CDH4: variants seen among roughly 807,000 people sequenced by gnomAD.
CDH4 encodes cadherin-4.
CDH4 carries 33 observed loss-of-function variants against 86.0 expected under a neutral mutation model. The observed-to-expected ratio is 0.38, with a 90% confidence interval of 0.29 to 0.51. The LOEUF is 0.51. Ranked by LOEUF, CDH4 falls within the 20% of genes least tolerant of loss-of-function variation. The pLI is 0.86. For missense variants in CDH4, 1,114 were observed against 1,307.4 expected, an observed-to-expected ratio of 0.85 and a Z score of 2.28; for synonymous variants, 555 against 549.4, an observed-to-expected ratio of 1.01 and a Z score of -0.14.
intron 2 of CDH4, among the ~76,000 whole-genome samples, chr20:61,495,165 G>A (rs951060022): frequency 5.3e-5 from 8 of 152,364 alleles, no homozygotes; most frequent in Admixed American, 1.3e-4. Flanking sequence ...ACCAGAAGGC[G>A]GCGGTGGCCT....
At chr20:61,296,482 GA>G (rs941420324) in intron 2 of CDH4, among the ~76,000 whole-genome samples, 7 of 151,500 alleles carry the variant, frequency 4.6e-5, no homozygotes, top group Non-Finnish European at 1.0e-4. Context: ...ATGATTCATA[GA>G]AAAAAAATGC....
At chr20:61,825,450 G>C (rs1568836253) in intron 4 of CDH4, among the ~76,000 whole-genome samples, 1 of 152,094 alleles carries the variant, frequency 6.6e-6, no homozygotes. Context: ...GATAGACCTA[G>C]TCTCTAGCTC....
At chr20:61,772,876 T>G in intron 3 of CDH4, 127 bp from the exon 4 acceptor site, 1 of 712,282 alleles carries the variant, frequency 1.4e-6, no homozygotes, top group East Asian at 3.1e-5. Context: ...GCTTAGCTCC[T>G]TGTCCCAGCG....
intron 2 of CDH4, chr20:61,738,771 C>T (rs769026697): frequency 5.9e-5 from 9 of 151,884 alleles, no homozygotes; most frequent in Non-Finnish European, 1.5e-5. Context: ...TGACAGATCC[C>T]TGAAGTCGGG....
At chr20:61,353,768 T>C (rs751584220) in intron 2 of CDH4, among the ~76,000 whole-genome samples, 15 of 44,540 alleles carry the variant, frequency 3.4e-4, no homozygotes, top group South Asian at 2.6e-3. Flanking sequence ...TTCACCCCAG[T>C]TCACCTTCCA....
chr20:61,642,029 G>A (rs2087015515), intron 2 of CDH4, among the ~76,000 whole-genome samples: 5 of 127,330 alleles, frequency 3.9e-5, no homozygotes, highest in African/African-American at 1.6e-4. Flanking sequence ...AGGCACCACA[G>A]CACCCAGGAC....
Position 61,708,106 on chromosome 20 carries a change from G to A in CDH4, c.170-35457G>A, listed in dbSNP as rs1381176144. ...TCTGCTGGGGGTCCCGGGCTGTGGC[G>A]CGTCTCCCTGGGCATAGCCATCACC... On this transcript the variant is annotated intron_variant, in intron 2 of 15. Coordinates refer to ENST00000614565, the MANE Select transcript of CDH4 (RefSeq NM_001794.5). This position sits in a 1 kb window ranked among gnomAD's most constrained non-coding sequence, Gnocchi z 4.5. Among the ~76,000 whole-genome samples the A allele has an allele frequency of 3.9e-5, 6 of 152,066 alleles. No individual in the cohort carries two copies. Among genetic ancestry groups the A allele is most frequent in the African/African-American group, 9.7e-5 (4 of 41,386 alleles).
chr20:61,894,681 C>T (rs953811605), intron 7 of CDH4, among the ~76,000 whole-genome samples: 2 of 152,166 alleles, frequency 1.3e-5, no homozygotes, highest in African/African-American at 4.8e-5. Context: ...ACAGGCAAAC[C>T]TCTTCATGCC....
chr20:61,594,777 T>C lies in CDH4; in HGVS notation c.170-148786T>C, dbSNP rs903066225. Among the ~76,000 whole-genome samples the C allele has an allele frequency of 2.6e-5, 4 of 152,310 alleles. No homozygotes were observed. The South Asian group carries it at 8.3e-4, about 32-fold the overall frequency. On this transcript the variant is annotated intron_variant, in intron 2 of 15. Transcript: ENST00000614565. Reference sequence around the variant, plus strand: ...TGGGTCCCCTCGGCCCCCACACAGATACCTGAGGAAATCAAGACATCTTCG... The same window carrying C: ...TGGGTCCCCTCGGCCCCCACACAGACACCTGAGGAAATCAAGACATCTTCG...
chr20:61,761,920 TCCGCACAGCAGGCAGCG>T (rs1568801315), intron 3 of CDH4, among the ~76,000 whole-genome samples: 2 of 152,072 alleles, frequency 1.3e-5, no homozygotes, highest in East Asian at 1.9e-4. Context: ...AGCAGGCAGC[TCCGCACAGCAGGCAGCG>T]CCGCACGGCA....
intron 2 of CDH4, among the ~76,000 whole-genome samples, chr20:61,353,130 C>T (rs539085528): frequency 2.0e-5 from 3 of 152,296 alleles, no homozygotes; most frequent in South Asian, 2.1e-4. Flanking sequence ...CCACAGGCTT[C>T]GCTTCTGGTG....
rs1568754534 is a variant in CDH4, at chr20:61,684,965, A to G, written c.170-58598A>G. On this transcript the variant is annotated intron_variant, in intron 2 of 15. Coordinates refer to ENST00000614565, the MANE Select transcript of CDH4 (RefSeq NM_001794.5). The surrounding 1 kb of genome is among the most constrained non-coding windows in gnomAD (Gnocchi z 4.5). The stretch of plus-strand genomic sequence containing the variant: ...ATTCAATGGTCCTTAGTCAATTCAG[A>G]GTTCCATGTATAGTGTAGAGTTGAG... Among the ~76,000 whole-genome samples the G allele has an allele frequency of 6.6e-6, 1 of 152,196 alleles. No individual in the cohort carries two copies. Among genetic ancestry groups the G allele is most frequent in the Non-Finnish European group, 1.5e-5 (1 of 68,046 alleles).
chr20:61,777,441 A>G (rs1316574532), intron 4 of CDH4, among the ~76,000 whole-genome samples: 3 of 152,234 alleles, frequency 2.0e-5, no homozygotes, highest in Admixed American at 1.3e-4. Flanking sequence ...TTCAGCTTCC[A>G]TCCAAAGGAA....
At position 61,684,460 on chromosome 20, in the gene CDH4, A is replaced by G. The variant is rs778123646; in HGVS notation, c.170-59103A>G. Among the ~76,000 whole-genome samples the G allele has an allele frequency of 3.9e-5, 6 of 152,152 alleles. No individual in the cohort carries two copies. The highest frequency in any genetic ancestry group is 5.9e-5 in the Non-Finnish European group (4 of 68,028). The stretch of plus-strand genomic sequence containing the variant: ...GCAGGGACATCTCAGGACCTTTTAT[A>G]CAAAATAGCCTTGAGCCTGGGCAGA... On this transcript the variant is annotated intron_variant, in intron 2 of 15. Coordinates refer to ENST00000614565, the MANE Select transcript of CDH4 (RefSeq NM_001794.5). The surrounding 1 kb of genome is among the most constrained non-coding windows in gnomAD (Gnocchi z 4.5).
chr20:61,850,697 G>C (rs1982678125), intron 5 of CDH4, among the ~76,000 whole-genome samples: 2 of 152,258 alleles, frequency 1.3e-5, no homozygotes, highest in Non-Finnish European at 2.9e-5. Flanking sequence ...CGATTTGCAG[G>C]TTGCAGAACG....
chr20:61,403,014 T>C (rs1407924502), intron 2 of CDH4, among the ~76,000 whole-genome samples: 3 of 152,222 alleles, frequency 2.0e-5, no homozygotes, highest in Non-Finnish European at 4.4e-5. Context: ...TGCTGACCAC[T>C]GTGATTAAGT....
At chr20:61,258,602 TA>T (rs1292616278) in intron 2 of CDH4, among the ~76,000 whole-genome samples, 8 of 152,218 alleles carry the variant, frequency 5.3e-5, no homozygotes, top group African/African-American at 1.9e-4. Flanking sequence ...GCCAACAGAA[TA>T]AAACCCAATT....
intron 2 of CDH4, among the ~76,000 whole-genome samples, chr20:61,296,280 G>GTGT (rs2084353185): frequency 2.6e-4 from 35 of 136,998 alleles, no homozygotes; most frequent in Non-Finnish European, 2.5e-4. Context: ...TGTGTGCGTG[G>GTGT]GTGCGTGTGT....
At chr20:61,272,362 C>T (rs1194724283) in intron 2 of CDH4, among the ~76,000 whole-genome samples, 1 of 152,220 alleles carries the variant, frequency 6.6e-6, no homozygotes, top group Non-Finnish European at 1.5e-5. Flanking sequence ...CAGTCGCCCC[C>T]TGTCTATCTG....
Sources: allele counts gnomAD v4.1 joint callset (sites outside exome capture counted in the v4.1 genomes callset), GRCh38; gene constraint gnomAD v4.1.1; non-coding constraint Gnocchi (gnomAD v3.1); transcripts MANE v1.5; gene names NCBI Gene and HGNC (gene_info 2026-07-23, HGNC 2026-07-21).